ATXN1L: variants seen among roughly 807,000 people sequenced by gnomAD.
The protein encoded by ATXN1L is ataxin-1-like.
A neutral mutation model predicts 43.4 loss-of-function variants in ATXN1L; 8 were observed. The observed-to-expected ratio is 0.18, with a 90% confidence interval of 0.11 to 0.33. ATXN1L has a LOEUF of 0.33. ATXN1L is among the 10% of genes least tolerant of loss of function. ATXN1L has a pLI of 1.00. For synonymous variants in ATXN1L, 379 were observed against 360.6 expected (o/e 1.05, Z -0.58); for missense variants, 856 against 885.4 (o/e 0.97, Z 0.42).
chr16:71,852,936 A>T lies in ATXN1L; in HGVS notation c.*1126A>T, dbSNP rs894001494. 1 of 167,062 alleles carries T rather than the reference A, an allele frequency of 6.0e-6. No individual in the cohort carries two copies. The highest frequency in any genetic ancestry group is 1.5e-5 in the Non-Finnish European group (1 of 68,150). The allele number at this position is 167,062 out of a possible 1,614,324, so 10.3% of individuals were successfully genotyped here. A position where few individuals can be genotyped will look rare whatever the true frequency, so the allele number is the denominator to read the frequency against. On this transcript the variant is annotated 3_prime_UTR_variant, in exon 3 of 3. Transcript: ENST00000427980. ...CTTCAGCTATAATCTCTATTTTTAA[A>T]ATCTCAAAATCATGTCCCCTCCACT...
In ATXN1L at chr16:71,849,724, G is replaced by C. The variant is rs571872583; in HGVS notation, c.-17G>C. 1 of 1,475,768 alleles carries C rather than the reference G, an allele frequency of 6.8e-7. No homozygotes were observed. The highest frequency in any genetic ancestry group is 1.4e-5 in the South Asian group (1 of 70,832). 91.4% of individuals were successfully genotyped at this position (1,475,768 alleles called of 1,614,324 possible). A position where few individuals can be genotyped will look rare whatever the true frequency, so the allele number is the denominator to read the frequency against. ...CAAGTCGACTCCTTCCAGGCTCCAG[G>C]AACACCACAAAGCAATATGAAACCT... is the stretch of plus-strand genomic sequence containing the variant. On this transcript the variant is annotated 5_prime_UTR_variant, in exon 3 of 3. Coordinates refer to ENST00000427980, the MANE Select transcript of ATXN1L (RefSeq NM_001137675.4).
Position 71,849,799 on chromosome 16 carries a change from C to G in ATXN1L, c.59C>G (p.Pro20Arg). 1 of 1,547,806 alleles carries G rather than the reference C, an allele frequency of 6.5e-7. No individual in the cohort carries two copies. The highest frequency in any genetic ancestry group is 8.7e-7 in the Non-Finnish European group (1 of 1,144,834). Residue 20 changes from proline to arginine, a missense_variant, in exon 3 of 3, where the codon CCC becomes CGC. By Grantham distance (103) the Pro-to-Arg change is moderately radical (BLOSUM62 -2). Transcript: ENST00000427980. Reference protein sequence around the residue: ...ECLPPKKRDLPVTSEDMGRTT... With the variant: ...ECLPPKKRDLRVTSEDMGRTT... ...CTTCCACCAAAGAAACGAGACCTCCCCGTGACCAGCGAGGATATGGGGAGA... is the reference window on the plus strand; with the variant it reads ...CTTCCACCAAAGAAACGAGACCTCCGCGTGACCAGCGAGGATATGGGGAGA...
In ATXN1L at chr16:71,847,458, C is replaced by G. The variant is rs569632987; in HGVS notation, c.-179-552C>G. Among the ~76,000 whole-genome samples the G allele has an allele frequency of 6.6e-5, 10 of 151,996 alleles. No homozygotes were observed. The South Asian group carries it at 1.9e-3, about 28-fold the overall frequency. ...CATTTTTTTTTAACCCTGAAAATCT[C>G]TTAATAAGTCTTCTCCTTGAGTGAC... On this transcript the variant is annotated intron_variant, in intron 1 of 2. Transcript: ENST00000427980.
In ATXN1L at chr16:71,850,588, A is replaced by C; in HGVS notation, c.848A>C (p.Glu283Ala). Residue 283 changes from glutamate (E) to alanine (A), a missense_variant, in exon 3 of 3, where the codon GAA (glutamate) becomes GCA (alanine). Coordinates refer to ENST00000427980, the MANE Select transcript of ATXN1L (RefSeq NM_001137675.4). ...RPRERNLVRR[E>A]SEALDSPNSK... ...CGAGAGCGAAATTTAGTAAGACGGG[A>C]AAGTGAAGCCCTTGACTCCCCCAAC... 1 of 1,551,702 alleles carries C rather than the reference A, an allele frequency of 6.4e-7. No individual in the cohort carries two copies. The highest frequency in any genetic ancestry group is 8.7e-7 in the Non-Finnish European group (1 of 1,147,006).
chr16:71,848,401 C>T (rs2033465220), intron 2 of ATXN1L: 1 of 176,402 alleles, frequency 5.7e-6, no homozygotes, highest in African/African-American at 2.4e-5. Flanking sequence ...AGCAGACCTA[C>T]AGTGGAGAAG....
At chr16:71,846,258 C>T (rs1257643982) in intron 1 of ATXN1L, among the ~76,000 whole-genome samples, 154 bp downstream of exon 1, 1 of 152,172 alleles carries the variant, frequency 6.6e-6, no homozygotes, top group African/African-American at 2.4e-5. Context: ...GACCCCCTCG[C>T]GCTTCTCTCT....
chr16:71,846,116 TGGA>T lies in ATXN1L; in HGVS notation c.-180+13_-180+15del, dbSNP rs2033439418. The T allele has an allele frequency of 1.1e-5, 2 of 188,240 alleles. No individual in the cohort carries two copies. Among genetic ancestry groups the T allele is most frequent in the South Asian group, 1.3e-4 (2 of 14,932 alleles). 11.7% of individuals were successfully genotyped at this position (188,240 alleles called of 1,614,324 possible). Reference sequence around the variant, plus strand: ...TGTGAAATGGGCTGGTGAGTGTCCCTGGAAGTGGTGGCCGCCGGGGCCAGGCAG... The same window carrying T: ...TGTGAAATGGGCTGGTGAGTGTCCCTAGTGGTGGCCGCCGGGGCCAGGCAG... On this transcript the variant is annotated intron_variant, in intron 1 of 2. Coordinates refer to ENST00000427980, the MANE Select transcript of ATXN1L (RefSeq NM_001137675.4).
At position 71,852,011 on chromosome 16, in the gene ATXN1L, A is replaced by G. The variant is rs945168927; in HGVS notation, c.*201A>G. ...TGGCATCCTTTCAGGACAACCCCAG[A>G]GGGTGTTGTGATGGGGAGCAGCAGG... is the stretch of plus-strand genomic sequence containing the variant. On this transcript the variant is annotated 3_prime_UTR_variant, in exon 3 of 3. Transcript: ENST00000427980. The G allele has an allele frequency of 3.9e-6, 2 of 512,926 alleles. No individual in the cohort carries two copies. Among genetic ancestry groups the G allele is most frequent in the Non-Finnish European group, 6.4e-6 (2 of 314,702 alleles). 31.8% of individuals were successfully genotyped at this position (512,926 alleles called of 1,614,324 possible). A position where few individuals can be genotyped will look rare whatever the true frequency, so the allele number is the denominator to read the frequency against.
Position 71,852,058 on chromosome 16 carries a change from G to C in ATXN1L, c.*248G>C. On this transcript the variant is annotated 3_prime_UTR_variant, in exon 3 of 3. Coordinates refer to ENST00000427980, the MANE Select transcript of ATXN1L (RefSeq NM_001137675.4). ...CAGGCCTGGGGCAAGGAAGGAAGGG[G>C]GTGCACACAGGAGAAGAAACATTCC... The C allele has an allele frequency of 2.8e-6, 1 of 359,554 alleles. No homozygotes were observed. The highest frequency in any genetic ancestry group is 5.2e-6 in the Non-Finnish European group (1 of 193,582). 22.3% of individuals were successfully genotyped at this position (359,554 alleles called of 1,614,324 possible). A position where few individuals can be genotyped will look rare whatever the true frequency, so the allele number is the denominator to read the frequency against.
chr16:71,850,475 C>G lies in ATXN1L; in HGVS notation c.735C>G (p.Thr245=). The change falls in exon 3 of 3, where the codon ACC becomes ACG. Residue 245 remains threonine, a synonymous_variant. Coordinates refer to ENST00000427980, the MANE Select transcript of ATXN1L (RefSeq NM_001137675.4). The part of the protein sequence containing the change: ...RLPAGYTLHE[T]PPAGASPVLT... ...CTGCTGGGTATACTTTGCATGAAAC[C>G]CCTCCAGCAGGTGCCAGCCCAGTTC... is the stretch of plus-strand genomic sequence containing the variant. 1 of 1,551,714 alleles carries G rather than the reference C, an allele frequency of 6.4e-7. No homozygotes were observed. Among genetic ancestry groups the G allele is most frequent in the Non-Finnish European group, 8.7e-7 (1 of 1,147,004 alleles).
chr16:71,852,082 C>G lies in ATXN1L; in HGVS notation c.*272C>G, dbSNP rs2033510346. 1 of 314,018 alleles carries G rather than the reference C, an allele frequency of 3.2e-6. No homozygotes were observed. The highest frequency in any genetic ancestry group is 6.1e-6 in the Non-Finnish European group (1 of 163,866). The allele number at this position is 314,018 out of a possible 1,614,324, so 19.5% of individuals were successfully genotyped here. A position where few individuals can be genotyped will look rare whatever the true frequency, so the allele number is the denominator to read the frequency against. On this transcript the variant is annotated 3_prime_UTR_variant, in exon 3 of 3. Transcript: ENST00000427980. ...GGGTGCACACAGGAGAAGAAACATT[C>G]CAAAATCAGGGCCTCCCTGTTCTTT...
rs948703655 is a variant in ATXN1L at position 71,855,337 on chromosome 16, G to C, written c.*3527G>C. Reference sequence around the variant, plus strand: ...GTTTCTACTAGTGGTGTCTTCTGTTGTATTAACTTCTTTCCTTTGTGGTAT... The same window carrying C: ...GTTTCTACTAGTGGTGTCTTCTGTTCTATTAACTTCTTTCCTTTGTGGTAT... On this transcript the variant is annotated 3_prime_UTR_variant, in exon 3 of 3. Transcript: ENST00000427980. The C allele has an allele frequency of 6.0e-6, 1 of 167,078 alleles. No individual in the cohort carries two copies. Among genetic ancestry groups the C allele is most frequent in the African/African-American group, 2.4e-5 (1 of 41,448 alleles). The allele number at this position is 167,078 out of a possible 1,614,324, so 10.3% of individuals were successfully genotyped here. A position where few individuals can be genotyped will look rare whatever the true frequency, so the allele number is the denominator to read the frequency against.
rs182371255 is a variant in ATXN1L at position 71,850,592 on chromosome 16, T to C, written c.852T>C (p.Ser284=). The change falls in exon 3 of 3, where the codon AGT becomes AGC. Residue 284 remains serine, a synonymous_variant. Transcript: ENST00000427980. ...PRERNLVRRE[S]EALDSPNSKG... ...AGCGAAATTTAGTAAGACGGGAAAG[T>C]GAAGCCCTTGACTCCCCCAACAGCA... is the stretch of plus-strand genomic sequence containing the variant. 8 of 1,551,570 alleles carry C rather than the reference T, an allele frequency of 5.2e-6. No individual in the cohort carries two copies. In the East Asian group the frequency reaches 1.7e-4, roughly 33 times the overall value.
rs1193039479 is a variant in ATXN1L at position 71,848,037 on chromosome 16, A to G, written c.-152A>G. The G allele has an allele frequency of 2.2e-6, 1 of 456,012 alleles. No homozygotes were observed. Among genetic ancestry groups the G allele is most frequent in the African/African-American group, 2.0e-5 (1 of 50,180 alleles). The allele number at this position is 456,012 out of a possible 1,614,324, so 28.2% of individuals were successfully genotyped here. A position where few individuals can be genotyped will look rare whatever the true frequency, so the allele number is the denominator to read the frequency against. Reference sequence around the variant, plus strand: ...TCCCGAGCCAGCCGGGAGGACACTTACTACAGCTGCTCAGAAGCACCACTG... The same window carrying G: ...TCCCGAGCCAGCCGGGAGGACACTTGCTACAGCTGCTCAGAAGCACCACTG... On this transcript the variant is annotated 5_prime_UTR_variant, in exon 2 of 3. Coordinates refer to ENST00000427980, the MANE Select transcript of ATXN1L (RefSeq NM_001137675.4).
At position 71,851,156 on chromosome 16, in the gene ATXN1L, C is replaced by A. The variant is rs1423460891; in HGVS notation, c.1416C>A (p.Gly472=). The A allele has an allele frequency of 6.4e-7, 1 of 1,551,584 alleles. No homozygotes were observed. The highest frequency in any genetic ancestry group is 8.7e-7 in the Non-Finnish European group (1 of 1,147,012). ...SSHLPSHFMK[G]AIIQLATGEL... is the part of the protein sequence containing the mutation. ...ACTTGCCTTCCCATTTCATGAAAGGCGCCATCATCCAGCTGGCTACGGGAG... is the reference window on the plus strand; with the variant it reads ...ACTTGCCTTCCCATTTCATGAAAGGAGCCATCATCCAGCTGGCTACGGGAG... The change falls in exon 3 of 3, where the codon GGC becomes GGA. Residue 472 remains glycine (G), a synonymous_variant. Transcript: ENST00000427980. This position sits in a 1 kb window ranked among gnomAD's most constrained non-coding sequence, Gnocchi z 4.9.
chr16:71,850,169 T>G lies in ATXN1L; in HGVS notation c.429T>G (p.Pro143=). The G allele has an allele frequency of 1.9e-6, 3 of 1,551,760 alleles. No individual in the cohort carries two copies. Among genetic ancestry groups the G allele is most frequent in the Non-Finnish European group, 2.6e-6 (3 of 1,146,986 alleles). Residue 143 remains proline, a synonymous_variant, in exon 3 of 3, where the codon CCT becomes CCG. Coordinates refer to ENST00000427980, the MANE Select transcript of ATXN1L (RefSeq NM_001137675.4). ...CCTCGCTGCAGTTCATTGGGTCTCC[T>G]TATAGCCTTCCCTATGCTGTGCCAC... ...PSTSLQFIGS[P]YSLPYAVPPN...
At position 71,856,033 on chromosome 16, in the gene ATXN1L, A is replaced by C. The variant is rs2033547987; in HGVS notation, c.*4223A>C. 6.0e-6 allele frequency: 1 copy of C among 166,916 alleles called. No homozygotes were observed. Among genetic ancestry groups the C allele is most frequent in the African/African-American group, 2.4e-5 (1 of 41,402 alleles). The allele number at this position is 166,916 out of a possible 1,614,324, so 10.3% of individuals were successfully genotyped here. A position where few individuals can be genotyped will look rare whatever the true frequency, so the allele number is the denominator to read the frequency against. On this transcript the variant is annotated 3_prime_UTR_variant, in exon 3 of 3. Transcript: ENST00000427980. ...TTTCAACTCTAGGATCCATCTTTGG[A>C]CCAGAAGCCTGGTCTGTGCCTAGGA...
chr16:71,850,770 T>G lies in ATXN1L; in HGVS notation c.1030T>G (p.Leu344Val), dbSNP rs1213772724. The change falls in exon 3 of 3, where the codon TTA becomes GTA. Residue 344 changes from leucine to valine, a missense_variant. Around this residue, in one of 7 missense-constraint regions of ATXN1L, gnomAD observed 490 missense variants for 449.4 expected, o/e 1.09. Coordinates refer to ENST00000427980, the MANE Select transcript of ATXN1L (RefSeq NM_001137675.4). ...DLEVQRVVGA[L>V]ASQDYRVVAA... ...TGAGGTCCAGCGGGTGGTTGGCGCT[T>G]TAGCTTCTCAGGACTATCGTGTGGT... 1.3e-6 allele frequency: 2 copies of G among 1,551,596 alleles called. No individual in the cohort carries two copies.
chr16:71,856,609 T>G lies in ATXN1L; in HGVS notation c.*4799T>G, dbSNP rs2033554140. The G allele has an allele frequency of 6.0e-6, 1 of 167,054 alleles. No homozygotes were observed. Among genetic ancestry groups the G allele is most frequent in the Non-Finnish European group, 1.5e-5 (1 of 68,118 alleles). The allele number at this position is 167,054 out of a possible 1,614,324, so 10.3% of individuals were successfully genotyped here. ...TGCATTCAAGAGAATCTAGATTGTG[T>G]TGGGGGAGGGACTGACTGTACTCAT... On this transcript the variant is annotated 3_prime_UTR_variant, in exon 3 of 3. Coordinates refer to ENST00000427980, the MANE Select transcript of ATXN1L (RefSeq NM_001137675.4).
Sources: gnomAD v4.1 joint callset for allele counts (sites outside exome capture counted in the v4.1 genomes callset) on GRCh38, gnomAD v4.1.1 for gene constraint, gnomAD v4.1.1 regional missense constraint, Gnocchi (gnomAD v3.1) non-coding constraint, MANE v1.5 for transcripts, NCBI Gene and HGNC (gene_info 2026-07-23, HGNC 2026-07-21) for gene names.